The following TRPC4 variants were observed in gnomAD, a reference collection of about 807,000 sequenced individuals.
The protein encoded by TRPC4 is transient receptor potential cation channel subfamily C member 4, also known as short transient receptor potential channel 4.
A neutral mutation model predicts 99.4 loss-of-function variants in TRPC4; 49 were observed. The ratio of observed to expected loss-of-function variants is 0.49; its 90% confidence interval spans 0.39 to 0.63. The LOEUF is 0.63. Among genes scored for constraint, TRPC4 ranks in the 20% least tolerant of loss-of-function variants. The pLI is 0.00. For missense variants in TRPC4, 898 were observed against 1,152.9 expected, an observed-to-expected ratio of 0.78 and a Z score of 3.20; for synonymous variants, 454 against 425.9, an observed-to-expected ratio of 1.07 and a Z score of -0.81.
chr13:37,784,197 G>T (rs1319926892), intron 1 of TRPC4, among the ~76,000 whole-genome samples: 1 of 152,048 alleles, frequency 6.6e-6, no homozygotes, highest in African/African-American at 2.4e-5. Context: ...ATTTCCAGAA[G>T]AAGATTTGGA....
intron 2 of TRPC4, among the ~76,000 whole-genome samples, chr13:37,769,978 A>T (rs565412457): frequency 1.5e-4 from 22 of 151,642 alleles, no homozygotes; most frequent in Admixed American, 1.3e-4. Flanking sequence ...CAGGTTAAAT[A>T]GGTTACACAA....
intron 1 of TRPC4, among the ~76,000 whole-genome samples, chr13:37,849,431 G>A (rs1958998807): frequency 2.0e-5 from 3 of 152,116 alleles, no homozygotes; most frequent in African/African-American, 7.2e-5. Context: ...GGTGGTAGAT[G>A]TAGTGTTGAG....
chr13:37,782,632 T>C (rs1956869051), intron 2 of TRPC4, among the ~76,000 whole-genome samples: 1 of 152,026 alleles, frequency 6.6e-6, no homozygotes, highest in Non-Finnish European at 1.5e-5. Flanking sequence ...CACATACACA[T>C]AAAGTTACGA....
At chr13:37,737,513 C>T (rs529968319) in intron 3 of TRPC4, among the ~76,000 whole-genome samples, 27 of 152,052 alleles carry the variant, frequency 1.8e-4, no homozygotes, top group East Asian at 7.7e-4. Context: ...CATTCTGTTC[C>T]GCAGGCTGGA....
chr13:37,863,813 G>A (rs1301998875), intron 1 of TRPC4, among the ~76,000 whole-genome samples: 3 of 151,680 alleles, frequency 2.0e-5, no homozygotes. Flanking sequence ...GTGTTAAAGA[G>A]GTTGAGCATA....
At chr13:37,823,562 G>T (rs1958091839) in intron 1 of TRPC4, among the ~76,000 whole-genome samples, 1 of 151,858 alleles carries the variant, frequency 6.6e-6, no homozygotes, top group Non-Finnish European at 1.5e-5. Flanking sequence ...TCTCAGGTTT[G>T]TCAAAGATCA....
Position 37,743,899 on chromosome 13 carries a change from GA to G in TRPC4, c.897+2037del, listed in dbSNP as rs142562468. ...TTTCACAAAAGTTATTGTGGCCAAAGATGACGTTAAATCAGCTTCAATGCCA... is the reference window on the plus strand; with the variant it reads ...TTTCACAAAAGTTATTGTGGCCAAAGTGACGTTAAATCAGCTTCAATGCCA... On this transcript the variant is annotated intron_variant, in intron 3 of 10. Coordinates refer to ENST00000379705, the MANE Select transcript of TRPC4 (RefSeq NM_016179.4). 8.5e-5 allele frequency among the ~76,000 whole-genome samples: 13 copies of G among 152,218 alleles called. No homozygotes were observed. The East Asian group carries it at 2.5e-3, about 29-fold the overall frequency.
intron 3 of TRPC4, among the ~76,000 whole-genome samples, chr13:37,730,589 A>G (rs1344578949): frequency 6.6e-6 from 1 of 152,036 alleles, no homozygotes; most frequent in African/African-American, 2.4e-5. Context: ...CTTTGTACAC[A>G]CATACACACA....
intron 1 of TRPC4, among the ~76,000 whole-genome samples, chr13:37,833,512 GAA>G (rs1283858146): frequency 6.6e-6 from 1 of 152,154 alleles, no homozygotes; most frequent in African/African-American, 2.4e-5. Context: ...TCTTAAAAAT[GAA>G]AAGATACTCT....
chr13:37,744,756 A>T (rs952443929), intron 3 of TRPC4, among the ~76,000 whole-genome samples: 1 of 152,094 alleles, frequency 6.6e-6, no homozygotes, highest in African/African-American at 2.4e-5. Flanking sequence ...ATTTCCAAGT[A>T]TTGTTCTGGA....
intron 1 of TRPC4, among the ~76,000 whole-genome samples, chr13:37,866,862 T>C (rs1250619500): frequency 7.6e-6 from 1 of 131,586 alleles, no homozygotes; most frequent in Non-Finnish European, 1.6e-5. Flanking sequence ...GGGGCGGGTA[T>C]AGGGTATAAA....
chr13:37,756,026 CTGTT>C (rs559764548), intron 2 of TRPC4, among the ~76,000 whole-genome samples: 1 of 151,998 alleles, frequency 6.6e-6, no homozygotes, highest in Non-Finnish European at 1.5e-5. Context: ...TACACAGAGA[CTGTT>C]TGATTTCTAA....
intron 1 of TRPC4, among the ~76,000 whole-genome samples, chr13:37,862,740 G>A (rs1959458987): frequency 6.6e-6 from 1 of 151,558 alleles, no homozygotes; most frequent in Admixed American, 6.6e-5. Flanking sequence ...AAAGAAAAAG[G>A]AAAATATGTC....
At chr13:37,833,399 A>G (rs760459818) in intron 1 of TRPC4, among the ~76,000 whole-genome samples, 4 of 152,168 alleles carry the variant, frequency 2.6e-5, no homozygotes, top group Non-Finnish European at 4.4e-5. Flanking sequence ...TACCACAACG[A>G]CTTTCACAAC....
intron 2 of TRPC4, among the ~76,000 whole-genome samples, chr13:37,778,807 A>G (rs1190528430): frequency 3.3e-5 from 5 of 152,080 alleles, no homozygotes; most frequent in Non-Finnish European, 5.9e-5. Context: ...TACTTAAGGG[A>G]ATGAGTCAAA....
Position 37,731,505 on chromosome 13 carries a change from G to A in TRPC4, c.897+14432C>T, listed in dbSNP as rs190599819. 6.5e-3 allele frequency among the ~76,000 whole-genome samples: 989 copies of A among 151,898 alleles called. 14 individuals are homozygous for A. The highest frequency in any genetic ancestry group is 8.1e-3 in the Non-Finnish European group (552 of 67,858). ...AAGTAAAACCAAAATGATAAAAGAT[G>A]AAAAAATACATTAAAAAAATTAAAA... is the stretch of plus-strand genomic sequence containing the variant. On this transcript the variant is annotated intron_variant, in intron 3 of 10. Transcript: ENST00000379705.
chr13:37,693,086 T>C (rs1364445747), intron 3 of TRPC4, among the ~76,000 whole-genome samples: 2 of 149,216 alleles, frequency 1.3e-5, no homozygotes, highest in African/African-American at 4.9e-5. Flanking sequence ...TAAGGTTACA[T>C]ATCTATCAAA....
intron 1 of TRPC4, among the ~76,000 whole-genome samples, chr13:37,842,379 AAAAG>A (rs1958768365): frequency 6.7e-6 from 1 of 148,534 alleles, no homozygotes; most frequent in Admixed American, 6.7e-5. Flanking sequence ...AAGGAAAAGG[AAAAG>A]TATAAATCGG....
chr13:37,850,075 C>T (rs1429165148), intron 1 of TRPC4, among the ~76,000 whole-genome samples: 5 of 152,234 alleles, frequency 3.3e-5, no homozygotes, highest in African/African-American at 4.8e-5. Context: ...TTTCCCACAT[C>T]TGCAGAGCAT....
Sources: gnomAD v4.1 joint callset for allele counts (sites outside exome capture counted in the v4.1 genomes callset) on GRCh38, gnomAD v4.1.1 for gene constraint, MANE v1.5 for transcripts, NCBI Gene and HGNC (gene_info 2026-07-23, HGNC 2026-07-21) for gene names.